The following IMMP2L variants were observed in gnomAD, a reference collection of about 807,000 sequenced individuals.
The protein encoded by IMMP2L is inner mitochondrial membrane peptidase subunit 2.
A neutral mutation model predicts 19.3 loss-of-function variants in IMMP2L; 18 were observed. The ratio of observed to expected loss-of-function variants is 0.93; its 90% CI spans 0.64 to 1.38. IMMP2L has a LOEUF of 1.38. Ranked by LOEUF, IMMP2L falls within the 40% of genes most tolerant of loss-of-function variation. IMMP2L has a pLI of 0.00. For missense variants in IMMP2L, 233 were observed against 218.2 expected (o/e 1.07, Z -0.43); for synonymous variants, 76 against 73.0 (o/e 1.04, Z -0.21).
intron 5 of IMMP2L, 52 bp downstream of exon 5, chr7:110,886,541 T>C: frequency 1.0e-6 from 1 of 989,686 alleles, no homozygotes; most frequent in Non-Finnish European, 1.6e-6. Context: ...CATAGTTTTG[T>C]TCTCACCTTT....
intron 3 of IMMP2L, among the ~76,000 whole-genome samples, chr7:111,404,030 A>C (rs532254986): frequency 5.3e-5 from 8 of 152,232 alleles, no homozygotes; most frequent in African/African-American, 1.9e-4. Context: ...ACACACAGGG[A>C]GTTTTATCCT....
intron 3 of IMMP2L, among the ~76,000 whole-genome samples, chr7:111,199,449 C>A (rs925310394): frequency 1.3e-5 from 2 of 151,926 alleles, no homozygotes; most frequent in South Asian, 4.1e-4. Context: ...GTTGAAAACA[C>A]TAAAAGAAGC....
chr7:110,706,318 G>A (rs886551406), intron 5 of IMMP2L, among the ~76,000 whole-genome samples: 1 of 152,048 alleles, frequency 6.6e-6, no homozygotes, highest in Non-Finnish European at 1.5e-5. Context: ...TGCCAAGGCT[G>A]GTCTTGAACT....
At chr7:110,796,404 C>T (rs1388314505) in intron 5 of IMMP2L, among the ~76,000 whole-genome samples, 1 of 152,002 alleles carries the variant, frequency 6.6e-6, no homozygotes, top group South Asian at 2.1e-4. Context: ...AGTGCCCTTT[C>T]CAACACAACA....
intron 3 of IMMP2L, among the ~76,000 whole-genome samples, chr7:111,445,741 T>A (rs916521921): frequency 6.6e-6 from 1 of 152,074 alleles, no homozygotes; most frequent in African/African-American, 2.4e-5. Flanking sequence ...GGTCTACAGC[T>A]CCCAGCGTGA....
intron 3 of IMMP2L, among the ~76,000 whole-genome samples, chr7:111,288,520 A>G (rs1166968376): frequency 2.0e-5 from 3 of 152,184 alleles, no homozygotes; most frequent in Non-Finnish European, 4.4e-5. Context: ...TTTGCAATCT[A>G]TCCATCTGAC....
chr7:111,390,071 A>C (rs1832187292), intron 3 of IMMP2L, among the ~76,000 whole-genome samples: 1 of 152,196 alleles, frequency 6.6e-6, no homozygotes, highest in Admixed American at 6.5e-5. Context: ...TGCATCACCC[A>C]GATCCCCCTT....
chr7:111,016,065 A>T (rs1437405175), intron 3 of IMMP2L, among the ~76,000 whole-genome samples: 1 of 152,124 alleles, frequency 6.6e-6, no homozygotes, highest in Non-Finnish European at 1.5e-5. Flanking sequence ...ATGCCAGAAA[A>T]TTTCAAGGAT....
chr7:110,743,426 A>T (rs1212683374), intron 5 of IMMP2L, among the ~76,000 whole-genome samples: 1 of 152,228 alleles, frequency 6.6e-6, no homozygotes, highest in Admixed American at 6.5e-5. Flanking sequence ...TAAAAATAAG[A>T]TGTGCTATTA....
intron 5 of IMMP2L, among the ~76,000 whole-genome samples, chr7:110,738,308 A>C (rs1796769172): frequency 6.6e-6 from 1 of 152,206 alleles, no homozygotes; most frequent in Admixed American, 6.5e-5. Context: ...GAAATCAAAC[A>C]CATTATACAG....
intron 3 of IMMP2L, among the ~76,000 whole-genome samples, chr7:111,438,349 T>C (rs1837393449): frequency 6.6e-6 from 1 of 151,822 alleles, no homozygotes; most frequent in African/African-American, 2.4e-5. Flanking sequence ...TACATTTTTT[T>C]ATAAACTGTC....
At chr7:110,854,249 G>A (rs933602172) in intron 5 of IMMP2L, among the ~76,000 whole-genome samples, 1 of 151,428 alleles carries the variant, frequency 6.6e-6, no homozygotes, top group Non-Finnish European at 1.5e-5. Flanking sequence ...ATTTTTTTCT[G>A]ACTTGTTTTA....
At chr7:110,694,217 G>T (rs887828457) in intron 5 of IMMP2L, among the ~76,000 whole-genome samples, 2 of 152,072 alleles carry the variant, frequency 1.3e-5, no homozygotes, top group Non-Finnish European at 2.9e-5. Context: ...ACATACAAGT[G>T]AATAGTTGGC....
At chr7:111,078,503 T>C (rs975445389) in intron 3 of IMMP2L, among the ~76,000 whole-genome samples, 17 of 152,292 alleles carry the variant, frequency 1.1e-4, no homozygotes, top group African/African-American at 3.4e-4. Flanking sequence ...AGTATCTATA[T>C]AGTATTAATA....
intron 5 of IMMP2L, among the ~76,000 whole-genome samples, chr7:110,796,922 A>C (rs965887882): frequency 2.0e-5 from 3 of 152,054 alleles, no homozygotes; most frequent in African/African-American, 7.2e-5. Context: ...TTTATTGCTT[A>C]TTGCGACCTC....
At chr7:110,683,610 A>G (rs1172272556) in intron 5 of IMMP2L, among the ~76,000 whole-genome samples, 2 of 152,104 alleles carry the variant, frequency 1.3e-5, no homozygotes, top group Non-Finnish European at 2.9e-5. Flanking sequence ...TTTTGTAAAG[A>G]CTCAATCTGT....
At chr7:110,873,190 TG>T (rs1563043061) in intron 5 of IMMP2L, among the ~76,000 whole-genome samples, 2 of 152,022 alleles carry the variant, frequency 1.3e-5, no homozygotes, top group African/African-American at 2.4e-5. Flanking sequence ...CCAAGACATG[TG>T]GATCACTTGA....
chr7:110,941,830 TTGTGACAG>T (rs1816758797), intron 4 of IMMP2L, among the ~76,000 whole-genome samples: 1 of 152,186 alleles, frequency 6.6e-6, no homozygotes, highest in Non-Finnish European at 1.5e-5. Context: ...GTTTCTTAGC[TTGTGACAG>T]TGTGGTAACA....
At chr7:111,195,165 A>G (rs1809334592) in intron 3 of IMMP2L, among the ~76,000 whole-genome samples, 1 of 152,158 alleles carries the variant, frequency 6.6e-6, no homozygotes, top group East Asian at 1.9e-4. Context: ...TTATATTTAC[A>G]TAAAATTACA....
Sources: allele counts gnomAD v4.1 joint callset (sites outside exome capture counted in the v4.1 genomes callset), GRCh38; gene constraint gnomAD v4.1.1; transcripts MANE v1.5; gene names NCBI Gene and HGNC (gene_info 2026-07-23, HGNC 2026-07-21).